The following ABCD2 variants were observed in gnomAD, a reference collection of about 807,000 sequenced individuals.
ABCD2 encodes the protein ATP-binding cassette sub-family D member 2.
Under a neutral mutation model 70.9 loss-of-function variants are expected in ABCD2, and 36 were observed. The observed-to-expected ratio is 0.51, with a 90% CI of 0.39 to 0.67. The LOEUF is 0.67. Ranked by LOEUF, ABCD2 falls within the 30% of genes least tolerant of loss-of-function variation. The pLI is 0.00. For synonymous variants in ABCD2, 304 were observed against 306.9 expected, an observed-to-expected ratio of 0.99 and a Z score of 0.10; for missense variants, 729 against 890.2, an observed-to-expected ratio of 0.82 and a Z score of 2.30.
At chr12:39,568,561 C>T (rs974111555) in intron 9 of ABCD2, among the ~76,000 whole-genome samples, 28 of 152,066 alleles carry the variant, frequency 1.8e-4, no homozygotes, top group Admixed American at 3.3e-4. Context: ...ACTTGTTTTC[C>T]ATGGGTTCGA....
At chr12:39,532,671 C>T in the ABCD2 span, among the ~76,000 whole-genome samples, 1 of 152,112 alleles carries the variant, frequency 6.6e-6, no homozygotes, top group African/African-American at 2.4e-5. Context: ...TACAAAAAAA[C>T]TGGAAACAAT....
Position 39,586,263 on chromosome 12 carries a change from C to T in ABCD2, c.1681G>A (p.Val561Ile), listed in dbSNP as rs1941665407. 15 of 1,613,190 alleles carry T rather than the reference C, an allele frequency of 9.3e-6. No individual in the cohort carries two copies. The highest frequency in any genetic ancestry group is 1.3e-5 in the Non-Finnish European group (15 of 1,179,504). Reference sequence around the variant, plus strand: ...TCATCCACTGAATCAGGGTAAATGACTTGATCCCGAAGACTTCCAAGAGAC... The same window carrying T: ...TCATCCACTGAATCAGGGTAAATGATTTGATCCCGAAGACTTCCAAGAGAC... The part of the protein sequence containing the change: ...YMSLGSLRDQ[V>I]IYPDSVDDMH... The change falls in exon 7 of 10, where the codon GTC (valine) becomes ATC (isoleucine). Residue 561 changes from valine to isoleucine, a missense_variant. Val to Ile is a conservative substitution (Grantham distance 29, BLOSUM62 3). Coordinates refer to ENST00000308666, the MANE Select transcript of ABCD2 (RefSeq NM_005164.4).
intron 5 of ABCD2, among the ~76,000 whole-genome samples, chr12:39,603,412 TGTC>T (rs1941927017): frequency 6.6e-6 from 1 of 152,078 alleles, no homozygotes; most frequent in Non-Finnish European, 1.5e-5. Flanking sequence ...AAGAAATTAT[TGTC>T]AACAGAATTA....
intron 9 of ABCD2, among the ~76,000 whole-genome samples, chr12:39,568,393 T>C (rs887470823): frequency 6.6e-6 from 1 of 152,212 alleles, no homozygotes. Flanking sequence ...CCATCACTGA[T>C]ACCCTTTCTT....
chr12:39,565,425 CTGTT>C (rs1325800526), intron 9 of ABCD2, among the ~76,000 whole-genome samples: 6 of 152,120 alleles, frequency 3.9e-5, no homozygotes, highest in Non-Finnish European at 5.9e-5. Flanking sequence ...ATTTGGCTCT[CTGTT>C]TGTCTGTTAT....
chr12:39,619,499 G>A lies in ABCD2; in HGVS notation c.117C>T (p.Ile39=), dbSNP rs761203591. ...AAYALKTLYP[I]IGKRLKQSGH... is the part of the protein sequence containing the mutation. The stretch of plus-strand genomic sequence containing the variant: ...CAGATTGCTTTAAACGCTTGCCAAT[G>A]ATGGGATAGAGGGTTTTCAGAGCAT... The change falls in exon 1 of 10, where the codon ATC becomes ATT. Residue 39 remains isoleucine, a synonymous_variant. Coordinates refer to ENST00000308666, the MANE Select transcript of ABCD2 (RefSeq NM_005164.4). 1 of 1,613,022 alleles carries A rather than the reference G, an allele frequency of 6.2e-7. No individual in the cohort carries two copies. Among genetic ancestry groups the A allele is most frequent in the Admixed American group, 1.7e-5 (1 of 60,022 alleles).
intron 2 of ABCD2, among the ~76,000 whole-genome samples, chr12:39,616,350 T>C (rs988758975): frequency 3.3e-5 from 5 of 152,128 alleles, no homozygotes; most frequent in Non-Finnish European, 5.9e-5. Context: ...AAAACTGTTA[T>C]TAAAAACTGT....
chr12:39,610,129 T>C (rs189134474), intron 2 of ABCD2, among the ~76,000 whole-genome samples: 2 of 152,258 alleles, frequency 1.3e-5, no homozygotes, highest in African/African-American at 2.4e-5. Context: ...GCATAAGCAA[T>C]AGCACAGAGA....
the ABCD2 span, among the ~76,000 whole-genome samples, chr12:39,538,689 G>A: frequency 1.3e-5 from 2 of 152,140 alleles, no homozygotes; most frequent in African/African-American, 2.4e-5. Flanking sequence ...AGCTTGAAGG[G>A]ATGAGTAACT....
Position 39,550,751 on chromosome 12 carries a change from A to G in ABCD2, c.*3161T>C, listed in dbSNP as rs1458504569. On this transcript the variant is annotated 3_prime_UTR_variant, in exon 10 of 10. Coordinates refer to ENST00000308666, the MANE Select transcript of ABCD2 (RefSeq NM_005164.4). ...GGACAATTTTGCCCATAAAGTAATT[A>G]TATCAAAGTCATCTTTTTAAATCAA... 6.6e-6 allele frequency: 1 copy of G among 151,764 alleles called. No homozygotes were observed. Among genetic ancestry groups the G allele is most frequent in the Non-Finnish European group, 1.5e-5 (1 of 67,684 alleles). 9.4% of individuals were successfully genotyped at this position (151,764 alleles called of 1,614,324 possible).
chr12:39,546,203 AT>A (rs762205763), downstream of ABCD2, among the ~76,000 whole-genome samples: 3 of 152,180 alleles, frequency 2.0e-5, no homozygotes, highest in Non-Finnish European at 4.4e-5. Context: ...ACACAAGAAT[AT>A]GAAGGAGTGA....
intron 9 of ABCD2, among the ~76,000 whole-genome samples, chr12:39,562,651 AACAG>A (rs1403956015): frequency 6.6e-6 from 1 of 152,154 alleles, no homozygotes; most frequent in Non-Finnish European, 1.5e-5. Context: ...AGAAAATGTC[AACAG>A]ACAAATAACA....
chr12:39,534,788 AAGAAAGAAAG>A, the ABCD2 span, among the ~76,000 whole-genome samples: 1 of 150,242 alleles, frequency 6.7e-6, no homozygotes, highest in Non-Finnish European at 1.5e-5. Flanking sequence ...GAAAGAAAGA[AAGAAAGAAAG>A]AAAGAAAGAA....
intron 4 of ABCD2, among the ~76,000 whole-genome samples, 194 bp from the exon 5 acceptor site, chr12:39,604,200 C>T (rs1270339425): frequency 6.6e-6 from 1 of 151,974 alleles, no homozygotes; most frequent in Non-Finnish European, 1.5e-5. Context: ...TACATATTGA[C>T]ACATCTACTT....
rs144941821 is a variant in ABCD2, at chr12:39,550,035, C to T, written c.*3877G>A. On this transcript the variant is annotated 3_prime_UTR_variant, in exon 10 of 10. Transcript: ENST00000308666. The stretch of plus-strand genomic sequence containing the variant: ...AATTTTCAATGGTCACAAGCATCTT[C>T]GGACAGGGACCAAATTTTATTTAGT... 280 of 151,834 alleles carry T rather than the reference C, an allele frequency of 1.8e-3. No individual in the cohort carries two copies. Among genetic ancestry groups the T allele is most frequent in the African/African-American group, 6.2e-3 (256 of 41,512 alleles). 9.4% of individuals were successfully genotyped at this position (151,834 alleles called of 1,614,324 possible). A position where few individuals can be genotyped will look rare whatever the true frequency, so the allele number is the denominator to read the frequency against.
intron 9 of ABCD2, among the ~76,000 whole-genome samples, chr12:39,566,404 A>C (rs538953293): frequency 7.2e-5 from 11 of 152,246 alleles, no homozygotes; most frequent in African/African-American, 2.2e-4. Context: ...TAGATTTTCT[A>C]GTTTGTTTGC....
intron 8 of ABCD2, among the ~76,000 whole-genome samples, chr12:39,574,867 G>T (rs1451319893): frequency 6.6e-6 from 1 of 152,078 alleles, no homozygotes; most frequent in Non-Finnish European, 1.5e-5. Context: ...CTTATTAATA[G>T]AATCCAGTTA....
chr12:39,596,861 T>C (rs1403244309), intron 6 of ABCD2, among the ~76,000 whole-genome samples: 8 of 152,182 alleles, frequency 5.3e-5, no homozygotes. Flanking sequence ...GATGCCTTTA[T>C]ATAAAATGGC....
At chr12:39,584,971 CT>C (rs1465869344) in intron 7 of ABCD2, among the ~76,000 whole-genome samples, 1 of 152,030 alleles carries the variant, frequency 6.6e-6, no homozygotes, top group Non-Finnish European at 1.5e-5. Context: ...AGCTTTGTTC[CT>C]TTTGCTTAGG....
Sources: allele counts gnomAD v4.1 joint callset (sites outside exome capture counted in the v4.1 genomes callset), GRCh38; gene constraint gnomAD v4.1.1; transcripts MANE v1.5; gene names NCBI Gene and HGNC (gene_info 2026-07-23, HGNC 2026-07-21).